TENT2: variants seen among roughly 807,000 people sequenced by gnomAD.
TENT2 encodes the protein poly(A) RNA polymerase GLD2.
A neutral mutation model predicts 72.2 loss-of-function variants in TENT2; 44 were observed. The ratio of observed to expected loss-of-function variants is 0.61; its 90% CI spans 0.48 to 0.78. TENT2 has a LOEUF of 0.78. Among genes scored for constraint, TENT2 ranks in the 30% least tolerant of loss-of-function variants. The pLI is 0.00. For missense variants in TENT2, 541 were observed against 569.6 expected (o/e 0.95, Z 0.51); for synonymous variants, 212 against 192.5 (o/e 1.10, Z -0.84).
rs1272224945 is a variant in TENT2, at chr5:79,668,980, T to C, written c.1160T>C (p.Leu387Pro). The C allele has an allele frequency of 6.2e-7, 1 of 1,613,872 alleles. No homozygotes were observed. The highest frequency in any genetic ancestry group is 8.5e-7 in the Non-Finnish European group (1 of 1,179,860). ...PPYLSKNESN[L>P]GDLLLGFLKY... ...TACCTCTCAAAGAATGAATCAAACC[T>C]TGGGGACCTCTTACTGGGCTTTCTT... The change falls in exon 12 of 15, where the codon CTT (leucine) becomes CCT (proline). Residue 387 changes from leucine to proline, a missense_variant. Physicochemically the swap from Leu to Pro is moderately conservative, Grantham distance 98 (BLOSUM62 -3). Coordinates refer to ENST00000453514, the MANE Select transcript of TENT2 (RefSeq NM_001114394.3).
intron 12 of TENT2, among the ~76,000 whole-genome samples, chr5:79,677,614 C>T (rs780255551): frequency 6.6e-6 from 1 of 152,104 alleles, no homozygotes; most frequent in Non-Finnish European, 1.5e-5. Flanking sequence ...TATTAGAAAA[C>T]AAATAGTCTC....
intron 4 of TENT2, among the ~76,000 whole-genome samples, chr5:79,629,775 C>T (rs565897783): frequency 1.5e-4 from 22 of 149,182 alleles, no homozygotes; most frequent in East Asian, 1.0e-3. Flanking sequence ...TGCAGTGAGC[C>T]GAGATCGTGC....
rs1826150504 is a variant in TENT2 at position 79,686,703 on chromosome 5, A to G, written c.*1430A>G. ...TGCTTTGAGATGAGACCGAGGCTGTAGTTATCATCTAGAACTGAACTAAAT... is the reference window on the plus strand; with the variant it reads ...TGCTTTGAGATGAGACCGAGGCTGTGGTTATCATCTAGAACTGAACTAAAT... On this transcript the variant is annotated 3_prime_UTR_variant, in exon 15 of 15. Transcript: ENST00000453514. 1 of 152,104 alleles carries G rather than the reference A, an allele frequency of 6.6e-6. No homozygotes were observed. The highest frequency in any genetic ancestry group is 2.4e-5 in the African/African-American group (1 of 41,424). The allele number at this position is 152,104 out of a possible 1,614,324, so 9.4% of individuals were successfully genotyped here.
chr5:79,659,508 G>A (rs372549481), intron 11 of TENT2, among the ~76,000 whole-genome samples: 5 of 123,740 alleles, frequency 4.0e-5, no homozygotes, highest in East Asian at 2.4e-4. Flanking sequence ...CTCCAGCCTC[G>A]GCGACAGAGC....
At position 79,669,044 on chromosome 5, in the gene TENT2, A is replaced by G; in HGVS notation, c.1208+16A>G. Reference sequence around the variant, plus strand: ...CAGAATTTGAGTAAGTAAAACTTTAAATTGTGTTTGTTCACTTATATGTGT... The same window carrying G: ...CAGAATTTGAGTAAGTAAAACTTTAGATTGTGTTTGTTCACTTATATGTGT... On this transcript the variant is annotated intron_variant, in intron 12 of 14. Transcript: ENST00000453514. 1 of 1,611,992 alleles carries G rather than the reference A, an allele frequency of 6.2e-7. No homozygotes were observed. Among genetic ancestry groups the G allele is most frequent in the Non-Finnish European group, 8.5e-7 (1 of 1,179,012 alleles).
intron 2 of TENT2, 60 bp from the exon 3 acceptor site, chr5:79,619,934 G>A: frequency 6.9e-7 from 1 of 1,450,654 alleles, no homozygotes. Flanking sequence ...TTCAGAGACT[G>A]GTTTTGTTTT....
intron 1 of TENT2, chr5:79,617,680 A>G (rs1302792322): frequency 1.3e-5 from 2 of 152,150 alleles, no homozygotes; most frequent in Non-Finnish European, 2.9e-5. Flanking sequence ...TGATAACTTA[A>G]ATGTCTAAGA....
intron 4 of TENT2, among the ~76,000 whole-genome samples, chr5:79,639,466 C>T (rs1580355361): frequency 6.9e-6 from 1 of 144,348 alleles, no homozygotes; most frequent in South Asian, 2.1e-4. Context: ...GATGTAAGAG[C>T]AGTGAAGGTG....
chr5:79,672,504 A>G (rs1250270385), intron 12 of TENT2, among the ~76,000 whole-genome samples: 1 of 152,118 alleles, frequency 6.6e-6, no homozygotes, highest in Non-Finnish European at 1.5e-5. Flanking sequence ...CTAGTCTCTT[A>G]TCTCCATGAG....
chr5:79,619,191 T>C (rs1428596979), intron 1 of TENT2, among the ~76,000 whole-genome samples: 1 of 152,200 alleles, frequency 6.6e-6, no homozygotes, highest in Non-Finnish European at 1.5e-5. Context: ...AATCCATTCC[T>C]TATTTGATCA....
At chr5:79,627,900 A>G (rs2404463) in intron 4 of TENT2, among the ~76,000 whole-genome samples, 30,882 of 152,110 alleles carry the variant, frequency 0.2, 4,630 homozygotes, top group African/African-American at 0.42. Context: ...GCTAACGTTT[A>G]TTGATGGTTC....
rs1348296330 is a variant in TENT2 at position 79,685,693 on chromosome 5, T to C, written c.*420T>C. The stretch of plus-strand genomic sequence containing the variant: ...TTAGATAGTTTGTTGTCAAAGTCTG[T>C]TCTAGTAAAGTGAAGATTCAAGTCA... On this transcript the variant is annotated 3_prime_UTR_variant, in exon 15 of 15. Coordinates refer to ENST00000453514, the MANE Select transcript of TENT2 (RefSeq NM_001114394.3). The C allele has an allele frequency of 1.3e-5, 2 of 154,524 alleles. No homozygotes were observed. Among genetic ancestry groups the C allele is most frequent in the African/African-American group, 4.8e-5 (2 of 41,484 alleles). 9.6% of individuals were successfully genotyped at this position (154,524 alleles called of 1,614,324 possible). A position where few individuals can be genotyped will look rare whatever the true frequency, so the allele number is the denominator to read the frequency against.
chr5:79,642,739 CTT>C lies in TENT2; in HGVS notation c.673-92_673-91del, dbSNP rs533389987. ...AAAATAACTCCAAAGGAAAGTATATCTTGTATGTTTTCTTTTTGTTGAGATAC... is the reference window on the plus strand; with the variant it reads ...AAAATAACTCCAAAGGAAAGTATATCGTATGTTTTCTTTTTGTTGAGATAC... On this transcript the variant is annotated intron_variant, in intron 6 of 14. Transcript: ENST00000453514. 3.6e-5 allele frequency: 34 copies of C among 952,476 alleles called. 1 individual carries two copies. The Admixed American group carries it at 8.3e-4, about 23-fold the overall frequency. The allele number at this position is 952,476 out of a possible 1,614,324, so 59.0% of individuals were successfully genotyped here.
intron 12 of TENT2, among the ~76,000 whole-genome samples, chr5:79,672,209 T>A (rs973765802): frequency 1.3e-5 from 2 of 152,198 alleles, no homozygotes; most frequent in African/African-American, 4.8e-5. Flanking sequence ...GTTTGTATAT[T>A]TATAGGGTAT....
intron 1 of TENT2, among the ~76,000 whole-genome samples, chr5:79,613,552 A>G (rs1013297266): frequency 1.1e-4 from 16 of 152,234 alleles, no homozygotes; most frequent in African/African-American, 3.9e-4. Context: ...ACTGATTAAC[A>G]GCCATAAGGC....
intron 12 of TENT2, among the ~76,000 whole-genome samples, chr5:79,672,113 AC>A (rs1176409131): frequency 5.9e-5 from 9 of 151,652 alleles, no homozygotes; most frequent in Admixed American, 3.3e-4. Flanking sequence ...AAAAAAAAAA[AC>A]AAAAAACTAT....
intron 10 of TENT2, among the ~76,000 whole-genome samples, chr5:79,655,890 G>A (rs1297484402): frequency 6.6e-6 from 1 of 151,848 alleles, no homozygotes; most frequent in African/African-American, 2.4e-5. Context: ...ACTTTGTACT[G>A]CGTGGTAAAA....
chr5:79,675,032 G>C (rs1816117322), intron 12 of TENT2, among the ~76,000 whole-genome samples: 1 of 152,140 alleles, frequency 6.6e-6, no homozygotes, highest in African/African-American at 2.4e-5. Context: ...GTGGACTCGA[G>C]AAGACAGAGG....
In TENT2 at chr5:79,651,633, A is replaced by T. The variant is rs1468320074; in HGVS notation, c.1027+2443A>T. Reference sequence around the variant, plus strand: ...TTTTTTTGTTTATGACAGCTTAGTAACCTTTCCTCTATGGTGGAGAATTTG... The same window carrying T: ...TTTTTTTGTTTATGACAGCTTAGTATCCTTTCCTCTATGGTGGAGAATTTG... On this transcript the variant is annotated intron_variant, in intron 10 of 14. Coordinates refer to ENST00000453514, the MANE Select transcript of TENT2 (RefSeq NM_001114394.3). 2.0e-5 allele frequency among the ~76,000 whole-genome samples: 3 copies of T among 151,948 alleles called. No homozygotes were observed. The East Asian group carries it at 5.8e-4, about 29-fold the overall frequency.
Sources: gnomAD v4.1 joint callset for allele counts (sites outside exome capture counted in the v4.1 genomes callset) on GRCh38, gnomAD v4.1.1 for gene constraint, MANE v1.5 for transcripts, NCBI Gene and HGNC (gene_info 2026-07-23, HGNC 2026-07-21) for gene names.